Variants in HYCC1 observed in about 807,000 individuals in gnomAD.
HYCC1 encodes hyccin.
the HYCC1 span, among the ~76,000 whole-genome samples, chr7:22,899,297 G>T: frequency 6.6e-6 from 1 of 152,136 alleles, no homozygotes; most frequent in Non-Finnish European, 1.5e-5. Context: ...CAGGTTGTAC[G>T]TGGCCCAACT....
At chr7:23,014,060 G>A in the HYCC1 span, 2 of 470,790 alleles carry the variant, frequency 4.2e-6, no homozygotes, top group Non-Finnish European at 4.4e-6. Context: ...GGGTCCCGGT[G>A]AGCCATCTTC....
the HYCC1 span, chr7:22,978,577 G>A: frequency 1.3e-6 from 1 of 767,036 alleles, no homozygotes; most frequent in Non-Finnish European, 2.2e-6. Flanking sequence ...TAGCTAAGTT[G>A]TAGGGAGTTT....
the HYCC1 span, chr7:22,946,843 T>G: frequency 4.1e-5 from 35 of 846,988 alleles, no homozygotes; most frequent in Non-Finnish European, 6.1e-5. Context: ...TAAGAGTCAT[T>G]GAGAAATGTG....
chr7:22,961,818 A>G, the HYCC1 span, among the ~76,000 whole-genome samples: 2 of 151,932 alleles, frequency 1.3e-5, no homozygotes, highest in South Asian at 4.1e-4. Context: ...GAGCAACTTG[A>G]GGGAAAAAGT....
chr7:23,012,258 T>A, the HYCC1 span, among the ~76,000 whole-genome samples: 1 of 152,154 alleles, frequency 6.6e-6, no homozygotes, highest in Non-Finnish European at 1.5e-5. Context: ...AGTACATATA[T>A]TTAAACTCAC....
chr7:22,923,196 C>G, the HYCC1 span, among the ~76,000 whole-genome samples: 1 of 152,060 alleles, frequency 6.6e-6, no homozygotes, highest in African/African-American at 2.4e-5. Context: ...AAAGGACATA[C>G]ATAATACAAA....
chr7:22,916,705 A>ATT, the HYCC1 span, among the ~76,000 whole-genome samples: 1 of 152,100 alleles, frequency 6.6e-6, no homozygotes, highest in Non-Finnish European at 1.5e-5. Context: ...CACTTGGTTT[A>ATT]TTGATGGCAG....
the HYCC1 span, among the ~76,000 whole-genome samples, chr7:22,956,182 G>A: frequency 6.6e-6 from 1 of 151,634 alleles, no homozygotes; most frequent in African/African-American, 2.4e-5. Context: ...CCCTCAATTT[G>A]TAGGTGACTT....
chr7:22,930,307 C>T, the HYCC1 span, among the ~76,000 whole-genome samples: 1 of 134,402 alleles, frequency 7.4e-6, no homozygotes, highest in Non-Finnish European at 1.5e-5. Context: ...CAAACCTGCA[C>T]ATTGTGCACA....
the HYCC1 span, chr7:22,944,695 T>C: frequency 6.6e-6 from 1 of 152,164 alleles, no homozygotes; most frequent in Non-Finnish European, 1.5e-5. Flanking sequence ...TTACACTGAT[T>C]TCCAGGAAGT....
chr7:22,960,956 C>A, the HYCC1 span, among the ~76,000 whole-genome samples: 1 of 152,190 alleles, frequency 6.6e-6, no homozygotes, highest in South Asian at 2.1e-4. Flanking sequence ...GAGGCCGAGG[C>A]AGGAAAATCG....
chr7:22,951,485 A>G, the HYCC1 span, among the ~76,000 whole-genome samples: 1 of 151,924 alleles, frequency 6.6e-6, no homozygotes. Flanking sequence ...ATGAATTATG[A>G]AAAATACTTT....
At chr7:22,917,560 A>T in the HYCC1 span, among the ~76,000 whole-genome samples, 2 of 152,146 alleles carry the variant, frequency 1.3e-5, no homozygotes, top group Non-Finnish European at 2.9e-5. Context: ...CTGGGTAGAC[A>T]CTTTCACTGG....
At chr7:22,931,888 A>C in the HYCC1 span, among the ~76,000 whole-genome samples, 1 of 152,200 alleles carries the variant, frequency 6.6e-6, no homozygotes, top group Non-Finnish European at 1.5e-5. Flanking sequence ...TTGCAAGCAA[A>C]GTGTGGAAGA....
the HYCC1 span, among the ~76,000 whole-genome samples, chr7:22,922,454 T>C: frequency 6.6e-6 from 1 of 152,230 alleles, no homozygotes; most frequent in African/African-American, 2.4e-5. Flanking sequence ...CCACTTACGT[T>C]AGCATGGCTG....
the HYCC1 span, among the ~76,000 whole-genome samples, chr7:22,924,836 G>C: frequency 6.6e-6 from 1 of 152,314 alleles, no homozygotes; most frequent in African/African-American, 2.4e-5. Context: ...AGAGAGTAGT[G>C]GTTCTCCCAG....
At chr7:22,937,428 C>T in the HYCC1 span, 2 of 152,156 alleles carry the variant, frequency 1.3e-5, no homozygotes, top group Admixed American at 1.3e-4. Context: ...AAATGTCAAA[C>T]ATTAGCCCAG....
chr7:22,946,778 G>A, the HYCC1 span, among the ~76,000 whole-genome samples: 1 of 151,988 alleles, frequency 6.6e-6, no homozygotes, highest in Non-Finnish European at 1.5e-5. Context: ...TTCTGCCTCA[G>A]TTTTCATAAA....
chr7:22,967,537 G>A, the HYCC1 span, among the ~76,000 whole-genome samples: 29,145 of 152,122 alleles, frequency 0.19, 3,392 homozygotes, highest in Non-Finnish European at 0.26. Flanking sequence ...ACACTGGTAA[G>A]CAACTAAAGA....
Sources: allele counts gnomAD v4.1 joint callset (sites outside exome capture counted in the v4.1 genomes callset), GRCh38; gene constraint gnomAD v4.1.1; transcripts MANE v1.5; gene names NCBI Gene and HGNC (gene_info 2026-07-23, HGNC 2026-07-21).